The following JAKMIP2 variants were observed in gnomAD, a reference collection of about 807,000 sequenced individuals.
The protein encoded by JAKMIP2 is janus kinase and microtubule-interacting protein 2.
Under a neutral mutation model 115.0 loss-of-function variants are expected in JAKMIP2, and 25 were observed. The ratio of observed to expected loss-of-function variants is 0.22; its 90% CI spans 0.16 to 0.30. JAKMIP2 has a LOEUF of 0.30. Among genes scored for constraint, JAKMIP2 ranks in the 10% least tolerant of loss-of-function variants. The pLI is 1.00. For missense variants in JAKMIP2, 642 were observed against 957.6 expected (o/e 0.67, Z 4.35); for synonymous variants, 334 against 343.6 (o/e 0.97, Z 0.31).
At chr5:147,620,122 T>G (rs1756778446) in intron 18 of JAKMIP2, among the ~76,000 whole-genome samples, 1 of 152,152 alleles carries the variant, frequency 6.6e-6, no homozygotes, top group African/African-American at 2.4e-5. Flanking sequence ...TGAGACAGGA[T>G]CTTGCTCTGC....
At chr5:147,685,384 GGCT>G (rs940634758) in intron 1 of JAKMIP2, among the ~76,000 whole-genome samples, 5 of 152,040 alleles carry the variant, frequency 3.3e-5, no homozygotes, top group African/African-American at 1.2e-4. Flanking sequence ...ATTTTCAGGG[GGCT>G]TAGTATAAGC....
intron 1 of JAKMIP2, among the ~76,000 whole-genome samples, chr5:147,708,430 C>T (rs1361145584): frequency 1.3e-5 from 2 of 152,164 alleles, no homozygotes; most frequent in Admixed American, 6.5e-5. Flanking sequence ...CATTCTGATG[C>T]ACACCACATT....
At chr5:147,730,521 T>C (rs1753690408) in intron 1 of JAKMIP2, among the ~76,000 whole-genome samples, 1 of 151,934 alleles carries the variant, frequency 6.6e-6, no homozygotes, top group Non-Finnish European at 1.5e-5. Flanking sequence ...AGTGGTGCAA[T>C]CTTGGCTCAC....
rs1757345463 is a variant in JAKMIP2, at chr5:147,631,457, C to A, written c.1831G>T (p.Gly611Cys). Residue 611 changes from glycine to cysteine, a missense_variant, in exon 14 of 22, where the codon GGT (glycine) becomes TGT (cysteine). Coordinates refer to ENST00000616793, the MANE Select transcript of JAKMIP2 (RefSeq NM_001270941.2). ...CAGTAGATCTGTAGAGCACTCACAC[C>A]ATCTGAGAATGGGTGAATTTGGAGA... ...FNLQIHPFSDGVSALQIYCMK... is the reference protein window; with the variant it reads ...FNLQIHPFSDCVSALQIYCMK... 6.2e-7 allele frequency: 1 copy of A among 1,612,162 alleles called. No individual in the cohort carries two copies. The highest frequency in any genetic ancestry group is 1.3e-5 in the African/African-American group (1 of 74,860).
intron 21 of JAKMIP2, chr5:147,595,560 T>TA (rs1436703116): frequency 2.2e-6 from 1 of 454,548 alleles, no homozygotes; most frequent in African/African-American, 2.0e-5. Context: ...ACATTACTAT[T>TA]ACTCATAAAT....
intron 16 of JAKMIP2, among the ~76,000 whole-genome samples, chr5:147,627,603 GA>G (rs1363201918): frequency 9.2e-6 from 1 of 109,148 alleles, no homozygotes; most frequent in Non-Finnish European, 1.8e-5. Context: ...TTTTTTAAAA[GA>G]AAAAATTCCA....
intron 1 of JAKMIP2, among the ~76,000 whole-genome samples, chr5:147,721,709 C>T (rs918927793): frequency 3.3e-5 from 5 of 152,126 alleles, no homozygotes; most frequent in African/African-American, 9.7e-5. Flanking sequence ...TGCTTCGGCT[C>T]GCGCACGGTG....
intron 5 of JAKMIP2, among the ~76,000 whole-genome samples, chr5:147,646,382 G>A (rs1054575159): frequency 1.3e-5 from 2 of 152,046 alleles, no homozygotes; most frequent in African/African-American, 2.4e-5. Context: ...AGGACAATAA[G>A]TTATTCTTAT....
At chr5:147,694,103 C>G (rs529336914) in intron 1 of JAKMIP2, among the ~76,000 whole-genome samples, 1 of 152,286 alleles carries the variant, frequency 6.6e-6, no homozygotes, top group South Asian at 2.1e-4. Context: ...ATCAGAATAG[C>G]CAGGCTAGAA....
At position 147,644,068 on chromosome 5, in the gene JAKMIP2, T is replaced by G; in HGVS notation, c.1214A>C (p.Glu405Ala). 1 of 1,586,582 alleles carries G rather than the reference T, an allele frequency of 6.3e-7. No homozygotes were observed. Among genetic ancestry groups the G allele is most frequent in the Non-Finnish European group, 8.6e-7 (1 of 1,161,538 alleles). Residue 405 changes from glutamate (E) to alanine (A), a missense_variant, in exon 7 of 22, where the codon GAG becomes GCG. Around this residue, in one of 6 missense-constraint regions of JAKMIP2, gnomAD observed 439 missense variants for 570.9 expected, o/e 0.77. Coordinates refer to ENST00000616793, the MANE Select transcript of JAKMIP2 (RefSeq NM_001270941.2). ...QVIEQQNIIDELTRDREKLIR... is the reference protein window; with the variant it reads ...QVIEQQNIIDALTRDREKLIR... The stretch of plus-strand genomic sequence containing the variant: ...TTGATTGACACGTACCCTTGTGAGC[T>G]CATCAATAATGTTCTGTTGCTCAAT...
Position 147,640,611 on chromosome 5 carries a change from A to G in JAKMIP2, c.1401+93T>C, listed in dbSNP as rs2126715953. ...TGAGATCACTTTGTGCTGTTTATAT[A>G]AAGGAGATGAAAAGTGAAATCCTTT... is the stretch of plus-strand genomic sequence containing the variant. On this transcript the variant is annotated intron_variant, in intron 9 of 21. Coordinates refer to ENST00000616793, the MANE Select transcript of JAKMIP2 (RefSeq NM_001270941.2). The G allele has an allele frequency of 3.0e-6, 4 of 1,335,208 alleles. No individual in the cohort carries two copies. In the Admixed American group the frequency reaches 7.6e-5, roughly 25 times the overall value. 82.7% of individuals were successfully genotyped at this position (1,335,208 alleles called of 1,614,324 possible).
intron 7 of JAKMIP2, 67 bp downstream of exon 7, chr5:147,643,991 A>C (rs1758001071): frequency 7.5e-7 from 1 of 1,325,142 alleles, no homozygotes; most frequent in Non-Finnish European, 1.0e-6. Flanking sequence ...AACTGCTTTC[A>C]GTGTATATTT....
At position 147,623,613 on chromosome 5, in the gene JAKMIP2, G is replaced by A. The variant is rs1756955278; in HGVS notation, c.2064+8C>T. On this transcript the variant is annotated splice_region_variant and intron_variant, in intron 17 of 21. Coordinates refer to ENST00000616793, the MANE Select transcript of JAKMIP2 (RefSeq NM_001270941.2). ...CTTAATTTTTACAATATCTCATCTT[G>A]TACTTACCATGTCACTTTCCAATTC... The A allele has an allele frequency of 7.6e-6, 12 of 1,573,986 alleles. No individual in the cohort carries two copies. The East Asian group carries it at 1.3e-4, about 18-fold the overall frequency.
At chr5:147,648,042 G>T (rs1353211420) in intron 5 of JAKMIP2, among the ~76,000 whole-genome samples, 3 of 152,082 alleles carry the variant, frequency 2.0e-5, no homozygotes, top group African/African-American at 7.2e-5. Context: ...GAAGAAGTCA[G>T]ACAAAAAAGA....
chr5:147,699,777 G>C (rs902713157), intron 1 of JAKMIP2, among the ~76,000 whole-genome samples: 10 of 152,230 alleles, frequency 6.6e-5, no homozygotes, highest in African/African-American at 2.4e-4. Flanking sequence ...ACAAATGCTA[G>C]TGTTTCAAGA....
chr5:147,663,969 T>C (rs964163616), intron 2 of JAKMIP2, among the ~76,000 whole-genome samples: 3 of 152,222 alleles, frequency 2.0e-5, no homozygotes, highest in Non-Finnish European at 4.4e-5. Context: ...AAATATACTC[T>C]GGATTTCGAA....
At chr5:147,669,287 C>A (rs755312994) in intron 2 of JAKMIP2, among the ~76,000 whole-genome samples, 1 of 152,096 alleles carries the variant, frequency 6.6e-6, no homozygotes, top group African/African-American at 2.4e-5. Context: ...TGAGCTGGGA[C>A]CGTAATTAAC....
intron 1 of JAKMIP2, among the ~76,000 whole-genome samples, chr5:147,692,499 A>G (rs759761538): frequency 6.6e-5 from 10 of 152,232 alleles, no homozygotes; most frequent in Non-Finnish European, 1.0e-4. Flanking sequence ...TGTTTTCACA[A>G]TATCAGCTAT....
chr5:147,777,202 G>A (rs1453154468), intron 1 of JAKMIP2, among the ~76,000 whole-genome samples: 1 of 152,184 alleles, frequency 6.6e-6, no homozygotes, highest in African/African-American at 2.4e-5. Context: ...GGTTAACAGA[G>A]TTCATATTTC....
Sources: gnomAD v4.1 joint callset for allele counts (sites outside exome capture counted in the v4.1 genomes callset) on GRCh38, gnomAD v4.1.1 for gene constraint, gnomAD v4.1.1 regional missense constraint, MANE v1.5 for transcripts, NCBI Gene and HGNC (gene_info 2026-07-23, HGNC 2026-07-21) for gene names.